DMBT1: variants seen among roughly 807,000 people sequenced by gnomAD.
The protein encoded by DMBT1 is scavenger receptor cysteine-rich domain-containing protein DMBT1.
In DMBT1, 198 loss-of-function variants were observed where a neutral mutation model predicts 252.9. That is an observed-to-expected ratio of 0.78 (90% CI 0.70 to 0.88). The LOEUF (loss-of-function observed/expected upper bound fraction) is 0.88, where lower values mean the gene tolerates loss of function less well. DMBT1 is among the 40% of genes least tolerant of loss of function. DMBT1 has a pLI of 0.00. For missense variants in DMBT1, 2,432 were observed against 2,404.7 expected, an observed-to-expected ratio of 1.01 and a Z score of -0.24; for synonymous variants, 990 against 942.7, an observed-to-expected ratio of 1.05 and a Z score of -0.92.
Position 122,589,108 on chromosome 10 carries a change from T to C in DMBT1, c.1948T>C (p.Ser650Pro), listed in dbSNP as rs1310484468. 6.3e-7 allele frequency: 1 copy of C among 1,588,630 alleles called. No individual in the cohort carries two copies. Among genetic ancestry groups the C allele is most frequent in the Non-Finnish European group, 8.6e-7 (1 of 1,165,860 alleles). ...GCAGCTGGGCTGTGGCTGGGCCACG[T>C]CAGCCCCAGGAAATGCCCGGTTTGG... ...CRQLGCGWATSAPGNARFGQG... is the reference protein window; with the variant it reads ...CRQLGCGWATPAPGNARFGQG... The change falls in exon 17 of 56, where the codon TCA (serine) becomes CCA (proline). Residue 650 changes from serine (S) to proline (P), a missense_variant. Ser to Pro is a moderately conservative substitution (Grantham distance 74). This residue lies in a region of DMBT1 where 1,264 missense variants were observed against 1,082.2 expected (regional missense o/e 1.17). Transcript: ENST00000338354.
chr10:122,639,313 C>T (rs1037014840), intron 54 of DMBT1, among the ~76,000 whole-genome samples: 3 of 152,160 alleles, frequency 2.0e-5, no homozygotes, highest in Non-Finnish European at 2.9e-5. Context: ...CTGTCATGTG[C>T]GTCCATGTGA....
intron 20 of DMBT1, 83 bp downstream of exon 20, chr10:122,592,678 A>C: frequency 6.4e-7 from 1 of 1,561,086 alleles, no homozygotes; most frequent in Non-Finnish European, 8.7e-7. Flanking sequence ...TGATCTCCTC[A>C]CTCAAAGATT....
At chr10:122,639,581 G>A (rs1234474353) in intron 54 of DMBT1, among the ~76,000 whole-genome samples, 6 of 152,100 alleles carry the variant, frequency 3.9e-5, no homozygotes, top group Non-Finnish European at 8.8e-5. Context: ...GTTAAGGCAG[G>A]AACCAGCCAT....
chr10:122,576,112 G>T, intron 6 of DMBT1, among the ~76,000 whole-genome samples: 1 of 152,202 alleles, frequency 6.6e-6, no homozygotes, highest in East Asian at 1.9e-4. Flanking sequence ...AGAGCCCATG[G>T]TCTGCTTAGA....
chr10:122,580,478 C>G (rs899613610), intron 10 of DMBT1, among the ~76,000 whole-genome samples: 1 of 152,172 alleles, frequency 6.6e-6, no homozygotes, highest in Non-Finnish European at 1.5e-5. Flanking sequence ...GGAGGGCAGT[C>G]CCCATGAGGC....
At position 122,584,363 on chromosome 10, in the gene DMBT1, G is replaced by T. The variant is rs755095711; in HGVS notation, c.1420+12G>T. ...GACGCCCAGTCCAGGTGAGTCCCCAGTGTCCTTCCTTGGGATGTCCCTTCT... is the reference window on the plus strand; with the variant it reads ...GACGCCCAGTCCAGGTGAGTCCCCATTGTCCTTCCTTGGGATGTCCCTTCT... On this transcript the variant is annotated intron_variant, in intron 14 of 55. Coordinates refer to ENST00000338354, the MANE Select transcript of DMBT1 (RefSeq NM_001377530.1). 3.0e-5 allele frequency: 15 copies of T among 504,044 alleles called. No homozygotes were observed. Among genetic ancestry groups the T allele is most frequent in the Non-Finnish European group, 4.8e-5 (14 of 293,086 alleles). 31.2% of individuals were successfully genotyped at this position (504,044 alleles called of 1,614,324 possible).
chr10:122,625,682 G>T (rs1421011665), intron 45 of DMBT1, among the ~76,000 whole-genome samples: 1 of 152,194 alleles, frequency 6.6e-6, no homozygotes, highest in Non-Finnish European at 1.5e-5. Context: ...GTCAAATAAA[G>T]AATACTTTCA....
At position 122,643,474 on chromosome 10, in the gene DMBT1, T is replaced by C; in HGVS notation, c.*76T>C. ...GGGACTTGGGATGTTCCTCTTGGTG[T>C]CATATTCCAACTCAGATTGAGCCCT... On this transcript the variant is annotated 3_prime_UTR_variant, in exon 56 of 56. Transcript: ENST00000338354. The C allele has an allele frequency of 4.6e-6, 7 of 1,510,406 alleles. No homozygotes were observed. The highest frequency in any genetic ancestry group is 6.2e-6 in the Non-Finnish European group (7 of 1,123,350). The allele number at this position is 1,510,406 out of a possible 1,614,324, so 93.6% of individuals were successfully genotyped here.
intron 6 of DMBT1, among the ~76,000 whole-genome samples, chr10:122,574,137 G>A (rs934178266): frequency 2.6e-5 from 4 of 152,194 alleles, no homozygotes; most frequent in Non-Finnish European, 5.9e-5. Context: ...ACCTGCTAAC[G>A]TAGCCAAATT....
At position 122,637,185 on chromosome 10, in the gene DMBT1, C is replaced by G; in HGVS notation, c.6815C>G (p.Ser2272Cys). 6.2e-7 allele frequency: 1 copy of G among 1,614,006 alleles called. No homozygotes were observed. Among genetic ancestry groups the G allele is most frequent in the South Asian group, 1.1e-5 (1 of 91,084 alleles). The part of the protein sequence containing the change: ...QASVSRSYLQ[S>C]LGFSASDLVI... Reference sequence around the variant, plus strand: ...AGTGTGAGCAGGAGCTATCTCCAATCCTTGGGCTTTTCTGCCAGTGACCTT... The same window carrying G: ...AGTGTGAGCAGGAGCTATCTCCAATGCTTGGGCTTTTCTGCCAGTGACCTT... Residue 2272 changes from serine to cysteine, a missense_variant, in exon 54 of 56, where the codon TCC (serine) becomes TGC (cysteine). Around this residue, in one of 3 missense-constraint regions of DMBT1, gnomAD observed 1,162 missense variants for 1,169.0 expected, o/e 0.99. Transcript: ENST00000338354.
chr10:122,617,460 G>T lies in DMBT1; in HGVS notation c.4891+200G>T, dbSNP rs1418309183. Among the ~76,000 whole-genome samples, 3 of 151,326 alleles carry T rather than the reference G, an allele frequency of 2.0e-5. No homozygotes were observed. The East Asian group carries it at 6.1e-4, about 31-fold the overall frequency. ...AGGGTGCTGGTGACTGTCTCTCATG[G>T]GACCCTGTTCCAAGTGTTCAGGAAC... On this transcript the variant is annotated intron_variant, in intron 40 of 55. Transcript: ENST00000338354.
rs192611735 is a variant in DMBT1, at chr10:122,571,136, G to A, written c.187+199G>A. 7.2e-5 allele frequency among the ~76,000 whole-genome samples: 11 copies of A among 152,366 alleles called. No homozygotes were observed. In the East Asian group the frequency reaches 1.7e-3, roughly 24 times the overall value. ...CACACATGAGCACGTGTTTGTACAC[G>A]TGTGTGTGCTCTGCATTTTACTTGC... On this transcript the variant is annotated intron_variant, in intron 4 of 55. Coordinates refer to ENST00000338354, the MANE Select transcript of DMBT1 (RefSeq NM_001377530.1).
intron 53 of DMBT1, 50 bp downstream of exon 53, chr10:122,636,249 G>T (rs779891044): frequency 1.3e-6 from 2 of 1,481,636 alleles, no homozygotes; most frequent in East Asian, 4.6e-5. Flanking sequence ...CATCCTGAGA[G>T]CATCTGTGGC....
Position 122,592,555 on chromosome 10 carries a change from C to A in DMBT1, c.2460C>A (p.His820Gln), listed in dbSNP as rs775753378. 25 of 1,588,262 alleles carry A rather than the reference C, an allele frequency of 1.6e-5. 2 individuals are homozygous for A. The highest frequency in any genetic ancestry group is 1.8e-5 in the Non-Finnish European group (21 of 1,165,648). Residue 820 changes from histidine to glutamine, a missense_variant, in exon 20 of 56, where the codon CAC (histidine) becomes CAA (glutamine). Transcript: ENST00000338354. ...WSCPHNGWLS[H>Q]NCGHHEDAGV... ...GCCCCCACAATGGCTGGCTCTCCCA[C>A]AACTGTGGCCATCATGAAGATGCTG...
chr10:122,637,847 G>A (rs1843743768), intron 54 of DMBT1, among the ~76,000 whole-genome samples: 1 of 152,206 alleles, frequency 6.6e-6, no homozygotes, highest in South Asian at 2.1e-4. Context: ...GCTGGCCTCT[G>A]CAGCTACCAT....
chr10:122,586,223 G>C lies in DMBT1; in HGVS notation c.1623G>C (p.Met541Ile), dbSNP rs779365046. Residue 541 changes from methionine (M) to isoleucine (I), a missense_variant, in exon 16 of 56, where the codon ATG becomes ATC. Physicochemically the swap from Met to Ile is conservative, Grantham distance 10. Transcript: ENST00000338354. ...VCRQLGCGWA[M>I]LAPGNARFGQ... is the part of the protein sequence containing the mutation. ...GGCAGCTGGGCTGTGGCTGGGCCAT[G>C]TTGGCCCCAGGAAATGCCCGGTTTG... 7 of 1,588,916 alleles carry C rather than the reference G, an allele frequency of 4.4e-6. 1 individual carries two copies. The highest frequency in any genetic ancestry group is 4.0e-5 in the African/African-American group (3 of 74,516).
In DMBT1 at chr10:122,565,996, G is replaced by A. The variant is rs59446434; in HGVS notation, c.91G>A (p.Ala31Thr). 0.011 allele frequency: 17,599 copies of A among 1,613,824 alleles called. 1,057 individuals carry two copies. In the South Asian group the frequency reaches 0.13, roughly 12 times the overall value. Reference protein sequence around the residue: ...GGWIPRTTDYASLIPSEVPLD... With the variant: ...GGWIPRTTDYTSLIPSEVPLD... ...GTGGATCCCAAGGACTACAGACTACGGTAAGACCTTTTCTTCACTCCTCTT... is the reference window on the plus strand; with the variant it reads ...GTGGATCCCAAGGACTACAGACTACAGTAAGACCTTTTCTTCACTCCTCTT... Residue 31 changes from alanine to threonine, a missense_variant and splice_region_variant, in exon 2 of 56, where the codon GCT becomes ACT. Physicochemically the swap from Ala to Thr is moderately conservative, Grantham distance 58 (BLOSUM62 0). Coordinates refer to ENST00000338354, the MANE Select transcript of DMBT1 (RefSeq NM_001377530.1).
At position 122,630,064 on chromosome 10, in the gene DMBT1, C is replaced by A. The variant is rs2098148898; in HGVS notation, c.5822+71C>A. On this transcript the variant is annotated intron_variant, in intron 47 of 55. Coordinates refer to ENST00000338354, the MANE Select transcript of DMBT1 (RefSeq NM_001377530.1). ...CACACCCACTGGTTTAGACTGTGTC[C>A]TGGGCTGGGATGCTTTTCACTCTCA... The A allele has an allele frequency of 6.9e-6, 11 of 1,585,612 alleles. No individual in the cohort carries two copies. In the South Asian group the frequency reaches 1.2e-4, roughly 17 times the overall value.
intron 51 of DMBT1, 68 bp downstream of exon 51, chr10:122,632,958 G>T: frequency 6.2e-7 from 1 of 1,603,684 alleles, no homozygotes; most frequent in Non-Finnish European, 8.5e-7. Flanking sequence ...CATTTCCTCA[G>T]TGACAATGGG....
Sources: gnomAD v4.1 joint callset for allele counts (sites outside exome capture counted in the v4.1 genomes callset) on GRCh38, gnomAD v4.1.1 for gene constraint, gnomAD v4.1.1 regional missense constraint, MANE v1.5 for transcripts, NCBI Gene and HGNC (gene_info 2026-07-23, HGNC 2026-07-21) for gene names.